TTC6: variants seen among roughly 807,000 people sequenced by gnomAD.
TTC6 encodes tetratricopeptide repeat protein 6.
TTC6 carries 172 observed loss-of-function variants against 210.4 expected under a neutral mutation model. That is an observed-to-expected ratio of 0.82 (90% CI 0.72 to 0.93). The LOEUF (loss-of-function observed/expected upper bound fraction) is 0.93. Ranked by LOEUF, TTC6 falls within the 40% of genes least tolerant of loss-of-function variation. The probability of loss-of-function intolerance (pLI) is 0.00; values close to 1 mark genes in which losing one functional copy is unlikely to be tolerated. For synonymous variants in TTC6, 804 were observed against 819.6 expected (o/e 0.98, Z 0.32); for missense variants, 2,414 against 2,318.1 (o/e 1.04, Z -0.85).
chr14:37,788,391 G>A (rs2096072558), intron 15 of TTC6, among the ~76,000 whole-genome samples: 2 of 152,138 alleles, frequency 1.3e-5, no homozygotes, highest in South Asian at 2.1e-4. Flanking sequence ...ATTAGACAGT[G>A]TCTAGAGATG....
At chr14:37,786,442 C>G (rs2096067862) in intron 14 of TTC6, among the ~76,000 whole-genome samples, 2 of 152,234 alleles carry the variant, frequency 1.3e-5, no homozygotes, top group Non-Finnish European at 2.9e-5. Context: ...GGGATATAAT[C>G]TACTGGTATG....
At chr14:37,772,735 T>A (rs927304793) in intron 14 of TTC6, among the ~76,000 whole-genome samples, 2 of 152,022 alleles carry the variant, frequency 1.3e-5, no homozygotes, top group African/African-American at 4.8e-5. Context: ...ACCCGGTACC[T>A]CAGATGGAAA....
chr14:37,690,871 A>G (rs1478462681), intron 3 of TTC6, among the ~76,000 whole-genome samples: 1 of 152,178 alleles, frequency 6.6e-6, no homozygotes, highest in Non-Finnish European at 1.5e-5. Flanking sequence ...AGAGCAATGG[A>G]TCTAATGGAT....
At chr14:37,735,896 TA>T in intron 7 of TTC6, 24 bp from the exon 10 acceptor site, 1 of 1,410,068 alleles carries the variant, frequency 7.1e-7, no homozygotes, top group Non-Finnish European at 9.6e-7. Context: ...AAACATAATT[TA>T]AAATTGTTAT....
At chr14:37,691,773 A>G (rs1476470925) in intron 3 of TTC6, among the ~76,000 whole-genome samples, 11 of 152,146 alleles carry the variant, frequency 7.2e-5, no homozygotes, top group East Asian at 1.9e-4. Flanking sequence ...TTGAAAAGCT[A>G]AACAAAATTA....
chr14:37,772,964 A>G (rs1217033603), intron 14 of TTC6, among the ~76,000 whole-genome samples: 3 of 152,090 alleles, frequency 2.0e-5, no homozygotes, highest in South Asian at 2.1e-4. Flanking sequence ...GAAATGGTAT[A>G]TCATTGTGGT....
At chr14:37,814,767 TAAAA>T (rs2096137634) in intron 25 of TTC6, among the ~76,000 whole-genome samples, 1 of 151,814 alleles carries the variant, frequency 6.6e-6, no homozygotes. Context: ...TTAAAACAAC[TAAAA>T]AAAGATGTGG....
exon 29 of TTC6, chr14:37,827,210 A>G: frequency 6.2e-7 from 1 of 1,612,612 alleles, no homozygotes; most frequent in Non-Finnish European, 8.5e-7. Context: ...GTACTACAGC[A>G]GAATTCTTAA....
chr14:37,730,045 C>T (rs1490035203), intron 7 of TTC6, among the ~76,000 whole-genome samples: 1 of 152,130 alleles, frequency 6.6e-6, no homozygotes, highest in African/African-American at 2.4e-5. Flanking sequence ...AAGGATCCAA[C>T]AGTACTTTCT....
At chr14:37,822,362 G>C (rs1481489609) in intron 26 of TTC6, among the ~76,000 whole-genome samples, 3 of 152,134 alleles carry the variant, frequency 2.0e-5, no homozygotes, top group Admixed American at 2.0e-4. Flanking sequence ...GGAATCACTG[G>C]TTTAAGAGAT....
chr14:37,763,183 C>T (rs1157217048), intron 14 of TTC6, among the ~76,000 whole-genome samples: 1 of 151,978 alleles, frequency 6.6e-6, no homozygotes, highest in Non-Finnish European at 1.5e-5. Context: ...CCACTGCACC[C>T]GGCCCTGTAT....
intron 1 of TTC6, among the ~76,000 whole-genome samples, chr14:37,642,362 C>T (rs1421346501): frequency 1.3e-5 from 2 of 152,080 alleles, no homozygotes; most frequent in Non-Finnish European, 1.5e-5. Context: ...TGGGACAATC[C>T]GCAGGTGGTG....
chr14:37,826,427 T>C, intron 28 of TTC6, 80 bp downstream of exon 30: 1 of 1,268,388 alleles, frequency 7.9e-7, no homozygotes, highest in Non-Finnish European at 1.0e-6. Flanking sequence ...AAGTTCTCTG[T>C]TAGCTTTTTA....
intron 4 of TTC6, among the ~76,000 whole-genome samples, chr14:37,698,656 C>T (rs1336876386): frequency 1.3e-5 from 2 of 152,124 alleles, no homozygotes; most frequent in Non-Finnish European, 2.9e-5. Context: ...GAACACATTT[C>T]ATATCCTATT....
intron 5 of TTC6, 25 bp downstream of exon 7, chr14:37,701,551 T>C (rs953245835): frequency 2.1e-6 from 3 of 1,423,860 alleles, no homozygotes; most frequent in Admixed American, 3.0e-5. Flanking sequence ...GGTAATTTGA[T>C]TTTAAGCTAA....
chr14:37,759,647 A>T (rs757330530), intron 14 of TTC6, among the ~76,000 whole-genome samples: 1 of 152,134 alleles, frequency 6.6e-6, no homozygotes. Flanking sequence ...AATCAATCGT[A>T]GGTTTGGTCT....
chr14:37,768,808 G>A (rs1023569257), intron 14 of TTC6, among the ~76,000 whole-genome samples: 9 of 152,086 alleles, frequency 5.9e-5, no homozygotes, highest in African/African-American at 1.4e-4. Flanking sequence ...TCTCCTGCCT[G>A]ATTGCCCTGG....
At chr14:37,608,469 C>G (rs939965608) in intron 2 of TTC6, among the ~76,000 whole-genome samples, 2 of 151,640 alleles carry the variant, frequency 1.3e-5, no homozygotes, top group African/African-American at 4.8e-5. Flanking sequence ...GCCACCACAC[C>G]TGGCTAATTT....
At chr14:37,596,329 T>C (rs1339400318) in intron 1 of TTC6, among the ~76,000 whole-genome samples, 1 of 152,252 alleles carries the variant, frequency 6.6e-6, no homozygotes, top group East Asian at 1.9e-4. Context: ...CGGGAACGCA[T>C]CTGCACTGCG....
Sources: gnomAD v4.1 joint callset for allele counts (sites outside exome capture counted in the v4.1 genomes callset) on GRCh38, gnomAD v4.1.1 for gene constraint, MANE v1.5 for transcripts, NCBI Gene and HGNC (gene_info 2026-07-23, HGNC 2026-07-21) for gene names.